The following CEMIP variants were observed in gnomAD, a reference collection of about 807,000 sequenced individuals.
CEMIP encodes cell migration inducing hyaluronidase 1, also known as cell migration-inducing and hyaluronan-binding protein.
Under a neutral mutation model 156.9 loss-of-function variants are expected in CEMIP, and 105 were observed. The observed-to-expected ratio is 0.67, with a 90% CI of 0.57 to 0.79. The LOEUF is 0.79. Ranked by LOEUF, CEMIP falls within the 30% of genes least tolerant of loss-of-function variation. CEMIP has a pLI of 0.00. For missense variants in CEMIP, 1,457 were observed against 1,769.4 expected, an observed-to-expected ratio of 0.82 and a Z score of 3.17; for synonymous variants, 676 against 668.4, an observed-to-expected ratio of 1.01 and a Z score of -0.17.
intron 12 of CEMIP, among the ~76,000 whole-genome samples, chr15:80,905,565 G>C (rs1899765215): frequency 6.6e-6 from 1 of 152,166 alleles, no homozygotes; most frequent in Admixed American, 6.5e-5. Context: ...ATGGGAGGGA[G>C]AGAATGGAGA....
chr15:80,900,628 G>GTC (rs1567090858), intron 12 of CEMIP, among the ~76,000 whole-genome samples: 11 of 136,804 alleles, frequency 8.0e-5, no homozygotes, highest in Admixed American at 1.4e-4. Flanking sequence ...GTGTGTGTGT[G>GTC]TGTGTGTGTG....
intron 12 of CEMIP, among the ~76,000 whole-genome samples, chr15:80,904,844 T>C (rs1429138199): frequency 6.6e-6 from 1 of 152,224 alleles, no homozygotes; most frequent in African/African-American, 2.4e-5. Flanking sequence ...AATACATTTA[T>C]GTTGTTTTAA....
chr15:80,936,028 G>A lies in CEMIP; in HGVS notation c.3010-646G>A, dbSNP rs182295676. 3.4e-3 allele frequency among the ~76,000 whole-genome samples: 516 copies of A among 152,308 alleles called. 1 individual carries two copies. The highest frequency in any genetic ancestry group is 5.2e-3 in the Non-Finnish European group (352 of 68,028). Reference sequence around the variant, plus strand: ...GCTGGGATTACAGGCATGAGCCACCGCGCCCGGCCAACACAGTGTTTTAAA... The same window carrying A: ...GCTGGGATTACAGGCATGAGCCACCACGCCCGGCCAACACAGTGTTTTAAA... On this transcript the variant is annotated intron_variant, in intron 23 of 29. Transcript: ENST00000394685.
chr15:80,832,856 A>G (rs1897185916), intron 1 of CEMIP, among the ~76,000 whole-genome samples: 1 of 152,130 alleles, frequency 6.6e-6, no homozygotes, highest in Non-Finnish European at 1.5e-5. Context: ...ATCAGTTGAG[A>G]GGCTGGGGCT....
At chr15:80,792,006 C>G (rs1033533644) in intron 1 of CEMIP, among the ~76,000 whole-genome samples, 2 of 152,218 alleles carry the variant, frequency 1.3e-5, no homozygotes, top group Non-Finnish European at 2.9e-5. Flanking sequence ...CTCATCTCTT[C>G]TCTGCACTGT....
At chr15:80,848,953 A>T (rs1299666402) in intron 1 of CEMIP, among the ~76,000 whole-genome samples, 2 of 72,462 alleles carry the variant, frequency 2.8e-5, no homozygotes, top group African/African-American at 6.7e-5. Flanking sequence ...CTCTTTAGAA[A>T]TTTTTTTTTT....
chr15:80,911,030 C>T (rs961897818), intron 14 of CEMIP, among the ~76,000 whole-genome samples: 3 of 152,296 alleles, frequency 2.0e-5, no homozygotes, highest in East Asian at 1.9e-4. Context: ...GGAGTTCTGC[C>T]GCTTACAAGC....
chr15:80,889,142 T>C (rs1262224644), intron 9 of CEMIP, among the ~76,000 whole-genome samples: 2 of 152,242 alleles, frequency 1.3e-5, no homozygotes, highest in Non-Finnish European at 2.9e-5. Context: ...CATGCAGGGA[T>C]TGCAGAAAGC....
At chr15:80,933,551 C>A in intron 23 of CEMIP, 91 bp downstream of exon 23, 1 of 1,015,072 alleles carries the variant, frequency 9.9e-7, no homozygotes, top group South Asian at 1.5e-5. Flanking sequence ...GGCTCTGTTT[C>A]AGGCCAGAAA....
Position 80,928,888 on chromosome 15 carries a change from G to T in CEMIP, c.2421-14G>T, listed in dbSNP as rs1173434277. 1 of 1,613,594 alleles carries T rather than the reference G, an allele frequency of 6.2e-7. No homozygotes were observed. Among genetic ancestry groups the T allele is most frequent in the East Asian group, 2.2e-5 (1 of 44,882 alleles). On this transcript the variant is annotated splice_polypyrimidine_tract_variant and intron_variant, in intron 19 of 29. Coordinates refer to ENST00000394685, the MANE Select transcript of CEMIP (RefSeq NM_001293298.2). The stretch of plus-strand genomic sequence containing the variant: ...CAGGGCATGCTCTGACTATCTATCT[G>T]CTCTTGCCCACAGGTTTGCTGACAA...
At chr15:80,780,959 CTG>C (rs1209584732) in intron 1 of CEMIP, among the ~76,000 whole-genome samples, 2 of 152,222 alleles carry the variant, frequency 1.3e-5, no homozygotes, top group African/African-American at 4.8e-5. Flanking sequence ...CCTCAGGAGT[CTG>C]TGGTTTGTGA....
intron 14 of CEMIP, chr15:80,909,729 C>A (rs1419087643): frequency 4.6e-6 from 2 of 430,548 alleles, no homozygotes; most frequent in Non-Finnish European, 9.5e-6. Context: ...TTCTGATGAA[C>A]CAAGTGTTCC....
At chr15:80,852,793 G>A (rs1297642207) in intron 1 of CEMIP, among the ~76,000 whole-genome samples, 1 of 152,186 alleles carries the variant, frequency 6.6e-6, no homozygotes, top group Non-Finnish European at 1.5e-5. Flanking sequence ...AAGATCAAGT[G>A]TGTGCAGCGT....
At chr15:80,926,284 G>A (rs959145183) in intron 19 of CEMIP, among the ~76,000 whole-genome samples, 1 of 152,188 alleles carries the variant, frequency 6.6e-6, no homozygotes, top group African/African-American at 2.4e-5. Context: ...AAAAGGCAGG[G>A]AACGCTGAGC....
intron 19 of CEMIP, among the ~76,000 whole-genome samples, chr15:80,926,829 GGGTCT>G (rs1252644185): frequency 3.4e-5 from 4 of 116,580 alleles, no homozygotes; most frequent in African/African-American, 1.1e-4. Context: ...TGGGGGGGGG[GGGTCT>G]TCTTTTTTTT....
At chr15:80,918,958 G>A (rs912887496) in intron 14 of CEMIP, among the ~76,000 whole-genome samples, 3 of 152,018 alleles carry the variant, frequency 2.0e-5, no homozygotes, top group African/African-American at 7.2e-5. Context: ...CATTTTTGCG[G>A]TGGAAAAAAA....
chr15:80,805,533 G>C (rs1053716705), intron 1 of CEMIP, among the ~76,000 whole-genome samples: 2 of 152,138 alleles, frequency 1.3e-5, no homozygotes, highest in African/African-American at 4.8e-5. Flanking sequence ...GAGTAGTGTT[G>C]TTCTTACCTG....
chr15:80,808,354 C>T (rs1159228016), intron 1 of CEMIP, among the ~76,000 whole-genome samples: 1 of 152,140 alleles, frequency 6.6e-6, no homozygotes, highest in Non-Finnish European at 1.5e-5. Context: ...CGCATCTGCC[C>T]CCCACTGCCC....
At chr15:80,824,002 GC>G (rs1465128674) in intron 1 of CEMIP, among the ~76,000 whole-genome samples, 1 of 152,158 alleles carries the variant, frequency 6.6e-6, no homozygotes, top group Non-Finnish European at 1.5e-5. Flanking sequence ...TCAAGAAGGG[GC>G]CTGGTCAATG....
Sources: allele counts gnomAD v4.1 joint callset (sites outside exome capture counted in the v4.1 genomes callset), GRCh38; gene constraint gnomAD v4.1.1; transcripts MANE v1.5; gene names NCBI Gene and HGNC (gene_info 2026-07-23, HGNC 2026-07-21).